PRLR: variants seen among roughly 807,000 people sequenced by gnomAD.
PRLR encodes the protein prolactin receptor, also known as hPRL receptor.
PRLR carries 13 observed loss-of-function variants against 40.2 expected under a neutral mutation model. That is an observed-to-expected ratio of 0.32 (90% confidence interval 0.21 to 0.51). The LOEUF is 0.51. Among genes scored for constraint, PRLR ranks in the 20% least tolerant of loss-of-function variants. The probability of loss-of-function intolerance (pLI) is 0.97; values close to 1 mark genes in which losing one functional copy is unlikely to be tolerated. For synonymous variants in PRLR, 269 were observed against 278.7 expected (o/e 0.97, Z 0.35); for missense variants, 656 against 747.3 (o/e 0.88, Z 1.42).
intron 1 of PRLR, among the ~76,000 whole-genome samples, chr5:35,175,950 T>C: frequency 6.6e-6 from 1 of 152,222 alleles, no homozygotes; most frequent in Non-Finnish European, 1.5e-5. Flanking sequence ...TTGTTAACAT[T>C]TGGTGGTATA....
chr5:35,140,911 C>A (rs1242988991), intron 1 of PRLR, among the ~76,000 whole-genome samples: 2 of 152,016 alleles, frequency 1.3e-5, no homozygotes, highest in African/African-American at 4.8e-5. Context: ...ATGTACCCAA[C>A]TGAAAAAAAA....
intron 1 of PRLR, among the ~76,000 whole-genome samples, chr5:35,140,564 T>G (rs1215991728): frequency 6.6e-6 from 1 of 152,234 alleles, no homozygotes; most frequent in Non-Finnish European, 1.5e-5. Flanking sequence ...AGTGAACACT[T>G]ACTCTGTGTG....
At chr5:35,154,810 T>TA (rs1360872240) in intron 1 of PRLR, among the ~76,000 whole-genome samples, 1 of 152,012 alleles carries the variant, frequency 6.6e-6, no homozygotes, top group Admixed American at 6.6e-5. Context: ...TATGCAGCCA[T>TA]AAAAAAACGA....
In PRLR at chr5:35,064,925, G is replaced by C. The variant is rs921297267; in HGVS notation, c.*164C>G. On this transcript the variant is annotated 3_prime_UTR_variant, in exon 10 of 10. Coordinates refer to ENST00000618457, the MANE Select transcript of PRLR (RefSeq NM_000949.7). Reference sequence around the variant, plus strand: ...TTAGGAAACATAATGATTTGTTCTGGAATCAGCTGCTGGAGAAAGAGGCAA... The same window carrying C: ...TTAGGAAACATAATGATTTGTTCTGCAATCAGCTGCTGGAGAAAGAGGCAA... 14 of 709,064 alleles carry C rather than the reference G, an allele frequency of 2.0e-5. No individual in the cohort carries two copies. Among genetic ancestry groups the C allele is most frequent in the Non-Finnish European group, 3.0e-5 (13 of 435,952 alleles). 43.9% of individuals were successfully genotyped at this position (709,064 alleles called of 1,614,324 possible).
intron 9 of PRLR, 104 bp downstream of exon 9, chr5:35,068,112 G>A: frequency 9.1e-7 from 1 of 1,097,614 alleles, no homozygotes; most frequent in Non-Finnish European, 1.4e-6. Flanking sequence ...AAAAAGGCTG[G>A]CTGAAACTAC....
At chr5:35,097,824 G>A (rs1227297433) in intron 2 of PRLR, among the ~76,000 whole-genome samples, 1 of 152,096 alleles carries the variant, frequency 6.6e-6, no homozygotes, top group Non-Finnish European at 1.5e-5. Flanking sequence ...CAAGATCTTT[G>A]GAAAGGGGGG....
At chr5:35,094,529 C>G (rs545132926) in intron 2 of PRLR, among the ~76,000 whole-genome samples, 1 of 152,290 alleles carries the variant, frequency 6.6e-6, no homozygotes, top group Non-Finnish European at 1.5e-5. Context: ...GGCAGGGAAG[C>G]CCTGTGCATT....
At chr5:35,174,060 C>T (rs1775075254) in intron 1 of PRLR, among the ~76,000 whole-genome samples, 1 of 151,450 alleles carries the variant, frequency 6.6e-6, no homozygotes, top group Admixed American at 6.6e-5. Context: ...TCAATTCCCA[C>T]CTATGAGTGA....
intron 1 of PRLR, among the ~76,000 whole-genome samples, chr5:35,169,356 TG>T (rs1268199235): frequency 1.3e-5 from 2 of 152,226 alleles, no homozygotes; most frequent in African/African-American, 4.8e-5. Flanking sequence ...TATAAATATC[TG>T]GGTATAATAG....
intron 9 of PRLR, among the ~76,000 whole-genome samples, chr5:35,067,302 T>A (rs1457855900): frequency 6.6e-6 from 1 of 152,210 alleles, no homozygotes; most frequent in Non-Finnish European, 1.5e-5. Flanking sequence ...TATCGTTAAG[T>A]CTCTGTGGCT....
At chr5:35,185,562 C>A (rs909080279) in intron 1 of PRLR, among the ~76,000 whole-genome samples, 1 of 152,134 alleles carries the variant, frequency 6.6e-6, no homozygotes, top group African/African-American at 2.4e-5. Flanking sequence ...GGACAAAAAT[C>A]CCCATGGCAA....
intron 1 of PRLR, among the ~76,000 whole-genome samples, chr5:35,200,975 TC>T (rs1421297202): frequency 6.6e-6 from 1 of 152,204 alleles, no homozygotes; most frequent in African/African-American, 2.4e-5. Flanking sequence ...CTCTACTTTT[TC>T]CTTCCAATTT....
intron 5 of PRLR, among the ~76,000 whole-genome samples, chr5:35,076,821 A>G (rs1363112361): frequency 1.3e-5 from 2 of 152,244 alleles, no homozygotes; most frequent in Non-Finnish European, 2.9e-5. Context: ...CACAAAGGGA[A>G]GCCCATCAGA....
At chr5:35,091,782 T>A (rs967479808) in intron 2 of PRLR, among the ~76,000 whole-genome samples, 1 of 152,240 alleles carries the variant, frequency 6.6e-6, no homozygotes, top group Non-Finnish European at 1.5e-5. Flanking sequence ...GAATCCAGCC[T>A]CATTAGGTAC....
At chr5:35,068,541 G>T (rs1769525523) in intron 8 of PRLR, among the ~76,000 whole-genome samples, 1 of 152,158 alleles carries the variant, frequency 6.6e-6, no homozygotes, top group South Asian at 2.1e-4. Flanking sequence ...ACTCTTGCCA[G>T]ATTTTTACTG....
chr5:35,175,754 C>T (rs1033782995), intron 1 of PRLR, among the ~76,000 whole-genome samples: 3 of 152,204 alleles, frequency 2.0e-5, no homozygotes, highest in East Asian at 1.9e-4. Flanking sequence ...GAAGACTTCA[C>T]AAACTGCCCC....
chr5:35,156,151 A>AC (rs1554052774), intron 1 of PRLR, among the ~76,000 whole-genome samples: 3 of 151,630 alleles, frequency 2.0e-5, no homozygotes, highest in African/African-American at 7.3e-5. Context: ...AAAAAAAAAA[A>AC]CAAAACCAAC....
At chr5:35,135,764 G>A (rs541772607) in intron 1 of PRLR, among the ~76,000 whole-genome samples, 11 of 152,250 alleles carry the variant, frequency 7.2e-5, no homozygotes, top group Middle Eastern at 3.4e-3. Context: ...GCCAGTGCCC[G>A]TCCTGAGGGA....
rs572051405 is a variant in PRLR, at chr5:35,121,105, T to TG, written c.-105-2984dup. Among the ~76,000 whole-genome samples the TG allele has an allele frequency of 4.3e-3, 658 of 152,162 alleles. 11 individuals carry two copies. The highest frequency in any genetic ancestry group is 0.015 in the African/African-American group (631 of 41,504). On this transcript the variant is annotated intron_variant, in intron 1 of 9. Coordinates refer to ENST00000618457, the MANE Select transcript of PRLR (RefSeq NM_000949.7). The stretch of plus-strand genomic sequence containing the variant: ...AAGTTTGATCAATGTGTAAAAACCA[T>TG]GGGGGGGTAGATTTGTGCTAATTTT...
Sources: allele counts gnomAD v4.1 joint callset (sites outside exome capture counted in the v4.1 genomes callset), GRCh38; gene constraint gnomAD v4.1.1; transcripts MANE v1.5; gene names NCBI Gene and HGNC (gene_info 2026-07-23, HGNC 2026-07-21).